The following NALF1 variants were observed in gnomAD, a reference collection of about 807,000 sequenced individuals.
The protein encoded by NALF1 is family with sequence similarity 155 member A.
Under a neutral mutation model 48.4 loss-of-function variants are expected in NALF1, and 3 were observed. The ratio of observed to expected loss-of-function variants is 0.06; its 90% CI spans 0.03 to 0.16. The LOEUF is 0.16. Ranked by LOEUF, NALF1 falls within the 10% of genes least tolerant of loss-of-function variation. The probability of loss-of-function intolerance (pLI) is 1.00; values close to 1 mark genes in which losing one functional copy is unlikely to be tolerated. For missense variants in NALF1, 526 were observed against 571.5 expected (o/e 0.92, Z 0.81); for synonymous variants, 262 against 245.7 (o/e 1.07, Z -0.62).
intron 1 of NALF1, among the ~76,000 whole-genome samples, chr13:107,332,894 G>A (rs1281026303): frequency 6.6e-6 from 1 of 152,108 alleles, no homozygotes; most frequent in East Asian, 1.9e-4. Flanking sequence ...GGCCCAGGCT[G>A]GAGTGTAATG....
At chr13:107,558,503 C>T (rs1316465828) in intron 1 of NALF1, among the ~76,000 whole-genome samples, 1 of 152,150 alleles carries the variant, frequency 6.6e-6, no homozygotes, top group Non-Finnish European at 1.5e-5. Context: ...AAATAAAATA[C>T]TAAGAGCAAC....
Position 107,699,457 on chromosome 13 carries a change from A to G in NALF1, c.915+166225T>C, listed in dbSNP as rs75137180. Among the ~76,000 whole-genome samples, 401 of 152,272 alleles carry G rather than the reference A, an allele frequency of 2.6e-3. 1 individual carries two copies. Among genetic ancestry groups the G allele is most frequent in the Non-Finnish European group, 4.6e-3 (314 of 67,996 alleles). On this transcript the variant is annotated intron_variant, in intron 1 of 2. Coordinates refer to ENST00000375915, the MANE Select transcript of NALF1 (RefSeq NM_001080396.3). ...AAAAATGTATTCAGACATCCTTTCT[A>G]AAACAGGCCACTGAAAGGACTTTCT... is the stretch of plus-strand genomic sequence containing the variant.
At chr13:107,827,262 T>TA (rs1220551105) in intron 1 of NALF1, among the ~76,000 whole-genome samples, 1 of 148,102 alleles carries the variant, frequency 6.8e-6, no homozygotes, top group African/African-American at 2.6e-5. Context: ...CTTAAGCTGA[T>TA]ACTCCTTGTA....
intron 1 of NALF1, among the ~76,000 whole-genome samples, chr13:107,277,942 G>A (rs1225835619): frequency 6.6e-6 from 1 of 152,140 alleles, no homozygotes; most frequent in Non-Finnish European, 1.5e-5. Flanking sequence ...TCCATCCCAC[G>A]TGTTACTATC....
chr13:107,236,625 C>A (rs925255360), intron 1 of NALF1, among the ~76,000 whole-genome samples: 51 of 152,104 alleles, frequency 3.4e-4, no homozygotes, highest in African/African-American at 1.2e-3. Flanking sequence ...TCTCATCTCC[C>A]TGTTTGGTAG....
intron 1 of NALF1, among the ~76,000 whole-genome samples, chr13:107,642,393 G>C (rs1256025071): frequency 2.6e-5 from 4 of 152,174 alleles, no homozygotes; most frequent in Non-Finnish European, 5.9e-5. Context: ...CATGCATCTG[G>C]CACTATATAA....
chr13:107,562,841 T>A (rs758278225), intron 1 of NALF1, among the ~76,000 whole-genome samples: 10 of 152,212 alleles, frequency 6.6e-5, no homozygotes, highest in Non-Finnish European at 1.5e-5. Flanking sequence ...GTGCTCTTTT[T>A]CATTTCACGG....
intron 1 of NALF1, among the ~76,000 whole-genome samples, chr13:107,754,476 A>C (rs1877036594): frequency 6.6e-6 from 1 of 152,084 alleles, no homozygotes; most frequent in Non-Finnish European, 1.5e-5. Flanking sequence ...ATTATCTGCG[A>C]ATCGATCTCA....
chr13:107,194,058 A>ATC (rs1246733943), intron 2 of NALF1, among the ~76,000 whole-genome samples: 29 of 101,404 alleles, frequency 2.9e-4, no homozygotes, highest in African/African-American at 1.1e-3. Flanking sequence ...CTATCTATCT[A>ATC]TATATCAATC....
At chr13:107,384,085 T>C (rs1008088618) in intron 1 of NALF1, among the ~76,000 whole-genome samples, 1 of 151,956 alleles carries the variant, frequency 6.6e-6, no homozygotes, top group African/African-American at 2.4e-5. Flanking sequence ...CCCATCTCTA[T>C]AAAAGTTTCT....
chr13:107,508,744 C>A (rs987219644), intron 1 of NALF1, among the ~76,000 whole-genome samples: 25 of 151,988 alleles, frequency 1.6e-4, no homozygotes, highest in Admixed American at 1.5e-3. Flanking sequence ...ACTACGCACA[C>A]GCCCCCAATC....
intron 1 of NALF1, among the ~76,000 whole-genome samples, chr13:107,281,246 T>C (rs1881379820): frequency 6.6e-6 from 1 of 152,164 alleles, no homozygotes; most frequent in Non-Finnish European, 1.5e-5. Flanking sequence ...CACAAATAAC[T>C]CTGGTACATG....
At chr13:107,623,215 A>G (rs376375822) in intron 1 of NALF1, among the ~76,000 whole-genome samples, 11 of 152,178 alleles carry the variant, frequency 7.2e-5, no homozygotes, top group East Asian at 3.9e-4. Context: ...TCTTATTAAT[A>G]TAATTTTGTT....
In NALF1 at chr13:107,254,645, A is replaced by G. The variant is rs1423560227; in HGVS notation, c.916-43890T>C. On this transcript the variant is annotated intron_variant, in intron 1 of 2. Transcript: ENST00000375915. Reference sequence around the variant, plus strand: ...CACTTGTAAGCCTTGCCCTGGGTAAATAAACCACCTAAGGAATGTGGTATG... The same window carrying G: ...CACTTGTAAGCCTTGCCCTGGGTAAGTAAACCACCTAAGGAATGTGGTATG... 2.0e-5 allele frequency among the ~76,000 whole-genome samples: 3 copies of G among 152,208 alleles called. No homozygotes were observed. In the East Asian group the frequency reaches 5.8e-4, roughly 29 times the overall value.
intron 1 of NALF1, among the ~76,000 whole-genome samples, chr13:107,683,255 A>T (rs972819615): frequency 6.6e-6 from 1 of 152,178 alleles, no homozygotes; most frequent in African/African-American, 2.4e-5. Flanking sequence ...CTCAAATATA[A>T]ATACATAAAT....
At chr13:107,672,551 A>T (rs1423796961) in intron 1 of NALF1, among the ~76,000 whole-genome samples, 1 of 152,208 alleles carries the variant, frequency 6.6e-6, no homozygotes, top group Non-Finnish European at 1.5e-5. Flanking sequence ...AAGAGAGTCA[A>T]GGCTGCCCAG....
intron 1 of NALF1, among the ~76,000 whole-genome samples, chr13:107,290,642 T>C (rs1211863489): frequency 2.0e-5 from 3 of 152,184 alleles, no homozygotes; most frequent in African/African-American, 7.2e-5. Flanking sequence ...TTATAAATTA[T>C]CCAGTCTCGC....
intron 1 of NALF1, among the ~76,000 whole-genome samples, chr13:107,437,482 G>T (rs1884482046): frequency 6.6e-6 from 1 of 152,136 alleles, no homozygotes; most frequent in Non-Finnish European, 1.5e-5. Context: ...TCAAAAACTA[G>T]AAATCATCTA....
intron 1 of NALF1, among the ~76,000 whole-genome samples, chr13:107,599,304 C>T (rs1285644213): frequency 6.6e-6 from 1 of 152,064 alleles, no homozygotes; most frequent in South Asian, 2.1e-4. Context: ...CATCTGTAGT[C>T]CCAGCTACTC....
Sources: gnomAD v4.1 joint callset for allele counts (sites outside exome capture counted in the v4.1 genomes callset) on GRCh38, gnomAD v4.1.1 for gene constraint, MANE v1.5 for transcripts, NCBI Gene and HGNC (gene_info 2026-07-23, HGNC 2026-07-21) for gene names.